The following SEMA6A variants were observed in gnomAD, a reference collection of about 807,000 sequenced individuals.
SEMA6A encodes semaphorin-6A.
In SEMA6A, 25 loss-of-function variants were observed where a neutral mutation model predicts 96.8. That is an observed-to-expected ratio of 0.26 (90% CI 0.19 to 0.36). The LOEUF (loss-of-function observed/expected upper bound fraction) is 0.36. SEMA6A is among the 10% of genes least tolerant of loss of function. SEMA6A has a pLI of 1.00. For missense variants in SEMA6A, 1,363 were observed against 1,323.1 expected, an observed-to-expected ratio of 1.03 and a Z score of -0.47; for synonymous variants, 612 against 518.0, an observed-to-expected ratio of 1.18 and a Z score of -2.46.
intron 6 of SEMA6A, among the ~76,000 whole-genome samples, chr5:116,494,597 A>G (rs1044851512): frequency 7.2e-5 from 11 of 152,166 alleles, no homozygotes; most frequent in Non-Finnish European, 1.3e-4. Flanking sequence ...AATCCATTGC[A>G]TGATGTCACC....
rs765577707 is a variant in SEMA6A at position 116,447,570 on chromosome 5, A to G, written c.2136T>C (p.Thr712=). 1.2e-6 allele frequency: 2 copies of G among 1,613,962 alleles called. No individual in the cohort carries two copies. The highest frequency in any genetic ancestry group is 1.3e-5 in the African/African-American group (1 of 75,012). Residue 712 remains threonine, a synonymous_variant, in exon 19 of 19, where the codon ACT becomes ACC. Coordinates refer to ENST00000343348, the MANE Select transcript of SEMA6A (RefSeq NM_020796.5). ...CCTCCGGCTTTGGGTCTTTGGATTG[A>G]GTGTCCCCAAAGAGGCCGCTGAGCT... ...VTKLSGLFGD[T]QSKDPKPEAI...
At chr5:116,450,282 A>T (rs1417850534) in intron 18 of SEMA6A, among the ~76,000 whole-genome samples, 1 of 152,220 alleles carries the variant, frequency 6.6e-6, no homozygotes, top group South Asian at 2.1e-4. Context: ...TTTCATGGCA[A>T]TGAGTATTTC....
At chr5:116,475,007 A>C (rs536095348) in intron 16 of SEMA6A, among the ~76,000 whole-genome samples, 1 of 152,340 alleles carries the variant, frequency 6.6e-6, no homozygotes, top group African/African-American at 2.4e-5. Context: ...CAATTCCTAT[A>C]AAAAGATTAT....
chr5:116,478,375 T>C (rs1012956674), intron 13 of SEMA6A, 167 bp downstream of exon 13: 3 of 812,552 alleles, frequency 3.7e-6, no homozygotes, highest in Non-Finnish European at 5.7e-6. Context: ...CACACACACA[T>C]TGGCAAGGAG....
chr5:116,518,639 C>T lies in SEMA6A; in HGVS notation c.-38-13657G>A, dbSNP rs146911279. Among the ~76,000 whole-genome samples, 72 of 152,288 alleles carry T rather than the reference C, an allele frequency of 4.7e-4. 1 individual carries two copies. Among genetic ancestry groups the T allele is most frequent in the African/African-American group, 1.6e-3 (68 of 41,582 alleles). ...ACCCAGCCCTGCAGGCATGCCTAGG[C>T]GTGTCACTCTAGCATAGCACAAGGA... On this transcript the variant is annotated intron_variant, in intron 1 of 18. Transcript: ENST00000343348.
intron 1 of SEMA6A, chr5:116,550,595 T>C (rs917852831): frequency 6.6e-6 from 1 of 152,198 alleles, no homozygotes; most frequent in African/African-American, 2.4e-5. Flanking sequence ...ATGTGCCCAG[T>C]GGACATCTCT....
At chr5:116,460,277 A>C (rs1434232472) in intron 18 of SEMA6A, among the ~76,000 whole-genome samples, 2 of 152,140 alleles carry the variant, frequency 1.3e-5, no homozygotes, top group East Asian at 3.9e-4. Context: ...TAATCTTTAA[A>C]TTACTCTTTA....
At chr5:116,501,724 C>T (rs560157800) in intron 3 of SEMA6A, among the ~76,000 whole-genome samples, 1 of 152,120 alleles carries the variant, frequency 6.6e-6, no homozygotes, top group Non-Finnish European at 1.5e-5. Context: ...CCTGTCTCTA[C>T]TAAAAATACC....
chr5:116,545,535 A>C (rs943442403), intron 1 of SEMA6A, among the ~76,000 whole-genome samples: 1 of 151,714 alleles, frequency 6.6e-6, no homozygotes, highest in Non-Finnish European at 1.5e-5. Context: ...GCGCCATTGC[A>C]CTCCAGCCTG....
chr5:116,495,602 G>A, intron 5 of SEMA6A, 88 bp from the exon 6 acceptor site: 12 of 966,358 alleles, frequency 1.2e-5, no homozygotes, highest in Admixed American at 2.3e-5. Flanking sequence ...CTGACAGTAA[G>A]GTTAAAGTGG....
In SEMA6A at chr5:116,450,105, T is replaced by A. The variant is rs111610082; in HGVS notation, c.1895-2294A>T. On this transcript the variant is annotated intron_variant, in intron 18 of 18. Transcript: ENST00000343348. ...ATTTTTCTTCAATTTTGATTATGTA[T>A]GGGGTTCTACCGAACACCGTTTTTA... Among the ~76,000 whole-genome samples the A allele has an allele frequency of 1.2e-3, 188 of 152,378 alleles. 1 individual carries two copies. The highest frequency in any genetic ancestry group is 4.2e-3 in the African/African-American group (176 of 41,582).
intron 1 of SEMA6A, among the ~76,000 whole-genome samples, chr5:116,567,797 GAT>G (rs1174471516): frequency 9.9e-5 from 15 of 152,184 alleles, no homozygotes; most frequent in African/African-American, 3.4e-4. Flanking sequence ...TTATGACAAA[GAT>G]GGAAACTTCT....
intron 1 of SEMA6A, among the ~76,000 whole-genome samples, chr5:116,517,657 T>C (rs1354859846): frequency 2.0e-5 from 3 of 152,108 alleles, no homozygotes; most frequent in Non-Finnish European, 4.4e-5. Flanking sequence ...TTCCACAAAA[T>C]AAGTGATGTT....
At chr5:116,471,226 C>G (rs1017237982) in intron 17 of SEMA6A, 9 of 152,126 alleles carry the variant, frequency 5.9e-5, no homozygotes, top group African/African-American at 2.2e-4. Flanking sequence ...AGCATCATCC[C>G]TTAAAGTGTT....
chr5:116,562,817 G>C, intron 1 of SEMA6A: 1 of 714,716 alleles, frequency 1.4e-6, no homozygotes, highest in Non-Finnish European at 2.7e-6. Context: ...GAGGTGCAAG[G>C]AACTGGGTAT....
intron 1 of SEMA6A, among the ~76,000 whole-genome samples, chr5:116,537,948 G>T (rs368150939): frequency 5.1e-4 from 78 of 152,164 alleles, no homozygotes; most frequent in African/African-American, 1.6e-3. Flanking sequence ...AGGCCGAGGC[G>T]GGCGGATCAT....
At chr5:116,510,954 T>A (rs1758374945) in intron 1 of SEMA6A, among the ~76,000 whole-genome samples, 1 of 152,210 alleles carries the variant, frequency 6.6e-6, no homozygotes, top group South Asian at 2.1e-4. Context: ...ATTACTTTAT[T>A]GAAACAGCAC....
At position 116,519,533 on chromosome 5, in the gene SEMA6A, A is replaced by G. The variant is rs115330139; in HGVS notation, c.-38-14551T>C. On this transcript the variant is annotated intron_variant, in intron 1 of 18. Coordinates refer to ENST00000343348, the MANE Select transcript of SEMA6A (RefSeq NM_020796.5). ...CACTTTAGAAATGGCTGAGTTTCTA[A>G]TATGTGCAGGCAAGGCACTGTGCGG... Among the ~76,000 whole-genome samples the G allele has an allele frequency of 7.2e-3, 1,096 of 152,232 alleles. 8 individuals are homozygous for G. Among genetic ancestry groups the G allele is most frequent in the African/African-American group, 0.025 (1,040 of 41,538 alleles).
chr5:116,569,619 A>G (rs1263871286), intron 1 of SEMA6A, among the ~76,000 whole-genome samples: 1 of 152,236 alleles, frequency 6.6e-6, no homozygotes, highest in Non-Finnish European at 1.5e-5. Flanking sequence ...GGAGAGGACC[A>G]TGGCTTGGCC....
Sources: allele counts gnomAD v4.1 joint callset (sites outside exome capture counted in the v4.1 genomes callset), GRCh38; gene constraint gnomAD v4.1.1; transcripts MANE v1.5; gene names NCBI Gene and HGNC (gene_info 2026-07-23, HGNC 2026-07-21).